GATM: variants seen among roughly 807,000 people sequenced by gnomAD.
The protein encoded by GATM is glycine amidinotransferase, mitochondrial.
Under a neutral mutation model 54.2 loss-of-function variants are expected in GATM, and 23 were observed. That is an observed-to-expected ratio of 0.42 (90% CI 0.31 to 0.60). The LOEUF is 0.60. Among genes scored for constraint, GATM ranks in the 20% least tolerant of loss-of-function variants. The pLI, the probability that GATM is intolerant of heterozygous loss-of-function variation, is 0.14. For synonymous variants in GATM, 168 were observed against 183.1 expected (o/e 0.92, Z 0.67); for missense variants, 401 against 544.9 (o/e 0.74, Z 2.63).
chr15:45,361,909 A>G lies in GATM; in HGVS notation c.*200T>C. ...AAGCCAAATAGTAAATAACTTTAGG[A>G]GTAGAGAGTAATACCTAGCAGAAGT... On this transcript the variant is annotated 3_prime_UTR_variant, in exon 9 of 9. Coordinates refer to ENST00000396659, the MANE Select transcript of GATM (RefSeq NM_001482.3). The G allele has an allele frequency of 1.7e-6, 1 of 590,812 alleles. No individual in the cohort carries two copies. The highest frequency in any genetic ancestry group is 3.0e-6 in the Non-Finnish European group (1 of 332,176). The allele number at this position is 590,812 out of a possible 1,614,324, so 36.6% of individuals were successfully genotyped here.
rs1431820716 is a variant in GATM at position 45,366,395 on chromosome 15, T to C, written c.789A>G (p.Arg263=). The C allele has an allele frequency of 6.2e-7, 1 of 1,614,194 alleles. No homozygotes were observed. Among genetic ancestry groups the C allele is most frequent in the Middle Eastern group, 1.6e-4 (1 of 6,062 alleles). The change falls in exon 5 of 9, where the codon AGA becomes AGG. Residue 263 remains arginine, a synonymous_variant. Coordinates refer to ENST00000396659, the MANE Select transcript of GATM (RefSeq NM_001482.3). The part of the protein sequence containing the change: ...FDAADFIRAG[R]DIFAQRSQVT... ...CCTGGCTTCTCTGTGCAAAAATATC[T>C]CTTCCAGCTCGAATGAAGTCAGCAG...
intron 8 of GATM, among the ~76,000 whole-genome samples, chr15:45,363,203 T>C (rs1018225184): frequency 1.3e-5 from 2 of 152,034 alleles, no homozygotes; most frequent in African/African-American, 4.8e-5. Context: ...ACCCAGAAAG[T>C]GTAGGTTGCA....
At chr15:45,383,768 T>G (rs1011511093) in intron 3 of GATM, among the ~76,000 whole-genome samples, 7 of 152,112 alleles carry the variant, frequency 4.6e-5, no homozygotes, top group African/African-American at 1.7e-4. Context: ...GGTCTCGAAC[T>G]CCTGACCTCA....
At chr15:45,365,392 T>G (rs1017441424) in intron 6 of GATM, among the ~76,000 whole-genome samples, 1 of 152,158 alleles carries the variant, frequency 6.6e-6, no homozygotes, top group Non-Finnish European at 1.5e-5. Flanking sequence ...TAAATGATAA[T>G]AAAATGAAAT....
At chr15:45,376,999 A>G in intron 1 of GATM, 180 bp from the exon 2 acceptor site, 1 of 651,916 alleles carries the variant, frequency 1.5e-6, no homozygotes, top group Non-Finnish European at 2.7e-6. Flanking sequence ...TAATTTTTTT[A>G]ACCCTCTTGT....
intron 3 of GATM, among the ~76,000 whole-genome samples, chr15:45,396,539 C>T (rs571076526): frequency 6.6e-6 from 1 of 152,154 alleles, no homozygotes; most frequent in Admixed American, 6.5e-5. Flanking sequence ...AAGCTGGCAG[C>T]ACACAGTTTC....
At chr15:45,363,672 T>C in intron 8 of GATM, 1 of 586,766 alleles carries the variant, frequency 1.7e-6, no homozygotes, top group Admixed American at 3.1e-5. Context: ...ATTTATAAAC[T>C]TATTGTTAAG....
intron 2 of GATM, chr15:45,373,096 G>T (rs1889568743): frequency 6.6e-6 from 1 of 152,206 alleles, no homozygotes; most frequent in African/African-American, 2.4e-5. Flanking sequence ...CAACAGAAAT[G>T]TATTTATCCA....
rs1463902913 is a variant in GATM at position 45,361,754 on chromosome 15, T to G, written c.*355A>C. 2.0e-6 allele frequency: 1 copy of G among 494,158 alleles called. No individual in the cohort carries two copies. The highest frequency in any genetic ancestry group is 3.5e-6 in the Non-Finnish European group (1 of 283,518). The allele number at this position is 494,158 out of a possible 1,614,324, so 30.6% of individuals were successfully genotyped here. A position where few individuals can be genotyped will look rare whatever the true frequency, so the allele number is the denominator to read the frequency against. ...ATAGAAGAGGAAAAAAAATTAAGAT[T>G]AGGACCAACATTTCAAGCTGCCTTT... On this transcript the variant is annotated 3_prime_UTR_variant, in exon 9 of 9. Transcript: ENST00000396659.
At chr15:45,378,550 G>A (rs948290316), upstream of GATM, 5 of 956,040 alleles carry the variant, frequency 5.2e-6, no homozygotes, top group Non-Finnish European at 7.0e-6. Flanking sequence ...GGGGTGGGCG[G>A]GCGCGCGGGG....
chr15:45,364,643 T>A lies in GATM; in HGVS notation c.1042+154A>T. The A allele has an allele frequency of 4.3e-6, 3 of 697,216 alleles. No homozygotes were observed. The South Asian group carries it at 5.1e-5, about 12-fold the overall frequency. The allele number at this position is 697,216 out of a possible 1,614,324, so 43.2% of individuals were successfully genotyped here. A position where few individuals can be genotyped will look rare whatever the true frequency, so the allele number is the denominator to read the frequency against. On this transcript the variant is annotated intron_variant, in intron 7 of 8. Transcript: ENST00000396659. ...AAGTTGCAAACACAAGTCCCAGCCT[T>A]GTTCTGATGCTCACAGTCCCAAGCA...
chr15:45,400,068 A>G (rs185450744), intron 1 of GATM, among the ~76,000 whole-genome samples: 26 of 152,238 alleles, frequency 1.7e-4, no homozygotes, highest in African/African-American at 5.3e-4. Flanking sequence ...CTAAAAATCC[A>G]AAAGTTAGCC....
chr15:45,376,420 TC>T (rs1309269808), intron 2 of GATM, among the ~76,000 whole-genome samples, 180 bp downstream of exon 2: 3 of 117,386 alleles, frequency 2.6e-5, no homozygotes, highest in Non-Finnish European at 5.0e-5. Context: ...AGGAAGCTCT[TC>T]AGGAAGGAAG....
chr15:45,372,280 G>A (rs1179795022), intron 2 of GATM, among the ~76,000 whole-genome samples: 2 of 152,182 alleles, frequency 1.3e-5, no homozygotes, highest in Non-Finnish European at 2.9e-5. Context: ...TTATTATCTG[G>A]TAGAAAGATG....
upstream of GATM, among the ~76,000 whole-genome samples, chr15:45,382,365 A>G (rs1889751674): frequency 6.6e-6 from 1 of 152,190 alleles, no homozygotes; most frequent in Admixed American, 6.5e-5. Flanking sequence ...ATTGTAAAGT[A>G]TTAAATCAGT....
chr15:45,379,435 G>A (rs958208596), upstream of GATM: 2 of 151,936 alleles, frequency 1.3e-5, no homozygotes, highest in Non-Finnish European at 2.9e-5. Flanking sequence ...TTCAATTTTG[G>A]TATCTCAAGC....
chr15:45,390,346 A>T (rs1889857674), intron 3 of GATM, among the ~76,000 whole-genome samples: 1 of 152,240 alleles, frequency 6.6e-6, no homozygotes. Context: ...TTGTTTTTTA[A>T]GTACAGTTGA....
intron 6 of GATM, among the ~76,000 whole-genome samples, chr15:45,365,529 C>T (rs2140640745): frequency 6.6e-6 from 1 of 152,296 alleles, no homozygotes; most frequent in East Asian, 1.9e-4. Flanking sequence ...CATCACCTAA[C>T]TGGAAGTAGG....
intron 4 of GATM, among the ~76,000 whole-genome samples, chr15:45,366,896 G>C (rs1165037579): frequency 2.0e-5 from 3 of 152,210 alleles, no homozygotes; most frequent in Middle Eastern, 3.4e-3. Flanking sequence ...ATTGTTGTTA[G>C]GCTCTTACTG....
Sources: allele counts gnomAD v4.1 joint callset (sites outside exome capture counted in the v4.1 genomes callset), GRCh38; gene constraint gnomAD v4.1.1; transcripts MANE v1.5; gene names NCBI Gene and HGNC (gene_info 2026-07-23, HGNC 2026-07-21).